The following GLIPR1L1 variants were observed in gnomAD, a reference collection of about 807,000 sequenced individuals.
GLIPR1L1 encodes the protein GLIPR1 like 1.
In GLIPR1L1, 26 loss-of-function variants were observed where a neutral mutation model predicts 29.9. That is an observed-to-expected ratio of 0.87 (90% confidence interval 0.64 to 1.21). The LOEUF (loss-of-function observed/expected upper bound fraction) is 1.21, where lower values mean the gene tolerates loss of function less well. Among genes scored for constraint, GLIPR1L1 ranks in the 50% most tolerant of loss-of-function variants. The probability of loss-of-function intolerance (pLI) is 0.00; values close to 1 mark genes in which losing one functional copy is unlikely to be tolerated. For synonymous variants in GLIPR1L1, 77 were observed against 97.5 expected (o/e 0.79, Z 1.24); for missense variants, 305 against 290.3 (o/e 1.05, Z -0.37).
chr12:75,369,052 A>G (rs74108755), intron 4 of GLIPR1L1, among the ~76,000 whole-genome samples: 2,325 of 151,894 alleles, frequency 0.015, 48 homozygotes, highest in African/African-American at 0.053. Context: ...AATATATTTT[A>G]GCTTGGTTGG....
intron 4 of GLIPR1L1, among the ~76,000 whole-genome samples, chr12:75,367,604 T>G (rs1051312575): frequency 1.3e-5 from 2 of 152,108 alleles, no homozygotes; most frequent in African/African-American, 4.8e-5. Context: ...GAATTTTATT[T>G]GATAATTGAT....
At position 75,369,621 on chromosome 12, in the gene GLIPR1L1, T is replaced by A. The variant is rs1000951573; in HGVS notation, c.611-339T>A. The A allele has an allele frequency of 4.7e-5, 46 of 984,776 alleles. No individual in the cohort carries two copies. In the African/African-American group the frequency reaches 8.0e-4, roughly 17 times the overall value. The allele number at this position is 984,776 out of a possible 1,614,324, so 61.0% of individuals were successfully genotyped here. ...GTTAATGAGTTCTGCATACAAAAAA[T>A]TCAACATGAAGAAATTACGTTTCTT... On this transcript the variant is annotated intron_variant, in intron 4 of 5. Coordinates refer to ENST00000378695, the MANE Select transcript of GLIPR1L1 (RefSeq NM_001304964.2).
At chr12:75,366,792 G>A in intron 4 of GLIPR1L1, 1 of 689,096 alleles carries the variant, frequency 1.5e-6, no homozygotes, top group Non-Finnish European at 2.6e-6. Context: ...TCTCTCTTCA[G>A]AGGTCTATCA....
At chr12:75,369,512 T>G (rs965487862) in intron 4 of GLIPR1L1, 3 of 977,944 alleles carry the variant, frequency 3.1e-6, no homozygotes, top group Non-Finnish European at 3.6e-6. Context: ...GCTATTAGAA[T>G]GGTAAACTGG....
intron 2 of GLIPR1L1, among the ~76,000 whole-genome samples, chr12:75,346,378 T>A (rs911080411): frequency 6.6e-6 from 1 of 152,132 alleles, no homozygotes; most frequent in Non-Finnish European, 1.5e-5. Flanking sequence ...ACCACAAAGA[T>A]GGCTGAAAGC....
At chr12:75,337,726 C>T (rs924251733) in intron 1 of GLIPR1L1, among the ~76,000 whole-genome samples, 1 of 151,950 alleles carries the variant, frequency 6.6e-6, no homozygotes, top group African/African-American at 2.4e-5. Context: ...ATAAATATTA[C>T]ATTCCGTACT....
In GLIPR1L1 at chr12:75,349,978, TAAG is replaced by T. The variant is rs77455156; in HGVS notation, c.521+2261_521+2263del. ...CCAGCGGGGCAGGCTGGAGACTGCC[TAAG>T]AAGACCGGGTCCCGGGAGGGAGGGG... On this transcript the variant is annotated intron_variant, in intron 3 of 5. Transcript: ENST00000378695. Among the ~76,000 whole-genome samples, 17 of 152,358 alleles carry T rather than the reference TAAG, an allele frequency of 1.1e-4. No individual in the cohort carries two copies. In the East Asian group the frequency reaches 3.3e-3, roughly 29 times the overall value.
Position 75,370,400 on chromosome 12 carries a change from G to A in GLIPR1L1, c.*224G>A, listed in dbSNP as rs112825416. ...ATTTTTTAATTACAAATCCATATGTGTATCAAAAGTGTTCCACTCTTTAAT... is the reference window on the plus strand; with the variant it reads ...ATTTTTTAATTACAAATCCATATGTATATCAAAAGTGTTCCACTCTTTAAT... On this transcript the variant is annotated 3_prime_UTR_variant, in exon 6 of 6. Transcript: ENST00000378695. The A allele has an allele frequency of 1.3e-3, 466 of 357,532 alleles. 2 individuals carry two copies. Among genetic ancestry groups the A allele is most frequent in the African/African-American group, 9.0e-3 (441 of 48,900 alleles). 22.1% of individuals were successfully genotyped at this position (357,532 alleles called of 1,614,324 possible).
intron 1 of GLIPR1L1, among the ~76,000 whole-genome samples, chr12:75,340,076 T>C (rs1445034684): frequency 6.6e-6 from 1 of 151,912 alleles, no homozygotes; most frequent in African/African-American, 2.4e-5. Flanking sequence ...GCAAATGCCA[T>C]TATTTTGTTC....
At chr12:75,346,666 T>C (rs1459335011) in intron 2 of GLIPR1L1, among the ~76,000 whole-genome samples, 1 of 152,184 alleles carries the variant, frequency 6.6e-6, no homozygotes, top group Non-Finnish European at 1.5e-5. Context: ...GTTTTTAAGT[T>C]CTCAGTTCAC....
At chr12:75,369,535 G>C in intron 4 of GLIPR1L1, 1 of 982,178 alleles carries the variant, frequency 1.0e-6, no homozygotes, top group East Asian at 1.1e-4. Context: ...AGGAAAGTTT[G>C]ATGTGGAAAA....
At chr12:75,338,602 A>G (rs1345644096) in intron 1 of GLIPR1L1, among the ~76,000 whole-genome samples, 1 of 149,198 alleles carries the variant, frequency 6.7e-6, no homozygotes, top group Non-Finnish European at 1.5e-5. Context: ...TTTTTTTTTC[A>G]GTTTTTAAGT....
At chr12:75,362,877 T>C (rs757041333) in intron 3 of GLIPR1L1, among the ~76,000 whole-genome samples, 1 of 152,214 alleles carries the variant, frequency 6.6e-6, no homozygotes. Context: ...CTCATTATTC[T>C]TCTATAGAAT....
At position 75,363,104 on chromosome 12, in the gene GLIPR1L1, G is replaced by A. The variant is rs1161016551; in HGVS notation, c.524G>A (p.Gly175Glu). Residue 175 changes from glycine (G) to glutamate (E), a missense_variant and splice_region_variant, in exon 4 of 6, where the codon GGA (glycine) becomes GAA (glutamate). Coordinates refer to ENST00000378695, the MANE Select transcript of GLIPR1L1 (RefSeq NM_001304964.2). The stretch of plus-strand genomic sequence containing the variant: ...ATCAATGTTTCTCTTTTTTACAGAG[G>A]AAATTTTGCAAATATGCCTCCTTAC... ...AIFVCNYGPAGNFANMPPYVR... is the reference protein window; with the variant it reads ...AIFVCNYGPAENFANMPPYVR... The A allele has an allele frequency of 6.5e-7, 1 of 1,534,074 alleles. No homozygotes were observed. The highest frequency in any genetic ancestry group is 8.8e-7 in the Non-Finnish European group (1 of 1,140,624).
chr12:75,354,741 T>C (rs754022963), intron 3 of GLIPR1L1, among the ~76,000 whole-genome samples: 1 of 152,168 alleles, frequency 6.6e-6, no homozygotes, highest in East Asian at 1.9e-4. Flanking sequence ...ACTACAAGGC[T>C]ACAGTAACCA....
chr12:75,347,102 C>T (rs1199227422), intron 2 of GLIPR1L1, among the ~76,000 whole-genome samples: 2 of 151,622 alleles, frequency 1.3e-5, no homozygotes, highest in African/African-American at 2.4e-5. Context: ...ACCATCCTTA[C>T]AGCAGGCATC....
chr12:75,356,571 A>C (rs1201895722), intron 3 of GLIPR1L1, among the ~76,000 whole-genome samples: 1 of 152,218 alleles, frequency 6.6e-6, no homozygotes, highest in Non-Finnish European at 1.5e-5. Context: ...CCAACAAAGC[A>C]GGTAAAATGG....
At chr12:75,355,341 C>T (rs369243865) in intron 3 of GLIPR1L1, among the ~76,000 whole-genome samples, 1 of 152,154 alleles carries the variant, frequency 6.6e-6, no homozygotes. Context: ...CAAAATAAGA[C>T]ATTTATGCAG....
At chr12:75,337,526 A>AT (rs1394251624) in intron 1 of GLIPR1L1, among the ~76,000 whole-genome samples, 1 of 151,916 alleles carries the variant, frequency 6.6e-6, no homozygotes, top group African/African-American at 2.4e-5. Context: ...GAAAATCAGC[A>AT]TTTTATAAAA....
Sources: allele counts gnomAD v4.1 joint callset (sites outside exome capture counted in the v4.1 genomes callset), GRCh38; gene constraint gnomAD v4.1.1; transcripts MANE v1.5; gene names NCBI Gene and HGNC (gene_info 2026-07-23, HGNC 2026-07-21).